Variants in GALNT2 observed in about 807,000 individuals in gnomAD.
GALNT2 encodes polypeptide N-acetylgalactosaminyltransferase 2, also known as UDP-GalNAc:polypeptide N-acetylgalactosaminyltransferase 2.
Under a neutral mutation model 81.4 loss-of-function variants are expected in GALNT2, and 31 were observed. The observed-to-expected ratio is 0.38, with a 90% confidence interval of 0.29 to 0.51. GALNT2 has a LOEUF of 0.51. Ranked by LOEUF, GALNT2 falls within the 20% of genes least tolerant of loss-of-function variation. The pLI is 0.87. For synonymous variants in GALNT2, 303 were observed against 287.4 expected (o/e 1.05, Z -0.55); for missense variants, 629 against 765.7 (o/e 0.82, Z 2.11).
chr1:230,173,381 G>A (rs1407503275), intron 1 of GALNT2, among the ~76,000 whole-genome samples: 1 of 152,094 alleles, frequency 6.6e-6, no homozygotes, highest in Admixed American at 6.5e-5. Flanking sequence ...TGCAGTATTT[G>A]GTCAGAGCTG....
chr1:230,128,823 T>C (rs1571995331), intron 1 of GALNT2, among the ~76,000 whole-genome samples: 1 of 152,184 alleles, frequency 6.6e-6, no homozygotes, highest in South Asian at 2.1e-4. Context: ...CATCTTCCTA[T>C]ATGTGGGGTG....
intron 1 of GALNT2, among the ~76,000 whole-genome samples, chr1:230,132,305 C>T (rs1225895942): frequency 1.3e-5 from 2 of 152,240 alleles, no homozygotes; most frequent in East Asian, 1.9e-4. Context: ...GACGTCCAGC[C>T]TGAGAACTGT....
intron 3 of GALNT2, among the ~76,000 whole-genome samples, chr1:230,208,328 A>T (rs1572088529): frequency 6.6e-6 from 1 of 152,076 alleles, no homozygotes; most frequent in African/African-American, 2.4e-5. Flanking sequence ...TATGGCTTGG[A>T]AGAGGGTGCC....
rs1268260848 is a variant in GALNT2 at position 230,067,287 on chromosome 1, C to T, written c.7C>T (p.Arg3Trp). ...CGGCGGCCGAGTTGGGAGAATGCGG[C>T]GGCGCTCGCGGATGCTGCTCTGCTT... The part of the protein sequence containing the change: MR[R>W]RSRMLLCFAF... The change falls in exon 1 of 16, where the codon CGG becomes TGG. Residue 3 changes from arginine (R) to tryptophan (W), a missense_variant. Transcript: ENST00000366672. The T allele has an allele frequency of 3.0e-6, 4 of 1,354,160 alleles. No individual in the cohort carries two copies. The highest frequency in any genetic ancestry group is 2.8e-5 in the Admixed American group (1 of 35,282). The allele number at this position is 1,354,160 out of a possible 1,614,324, so 83.9% of individuals were successfully genotyped here.
At position 230,233,626 on chromosome 1, in the gene GALNT2, A is replaced by T. The variant is rs548098391; in HGVS notation, c.375-2388A>T. Among the ~76,000 whole-genome samples, 337 of 152,258 alleles carry T rather than the reference A, an allele frequency of 2.2e-3. 3 individuals carry two copies. Among genetic ancestry groups the T allele is most frequent in the African/African-American group, 7.8e-3 (325 of 41,566 alleles). On this transcript the variant is annotated intron_variant, in intron 3 of 15. Coordinates refer to ENST00000366672, the MANE Select transcript of GALNT2 (RefSeq NM_004481.5). Reference sequence around the variant, plus strand: ...AAGACTCCGTCTCAAAAGAAAAAAAAACCTACAGAATAATTTTTTTTTAAT... The same window carrying T: ...AAGACTCCGTCTCAAAAGAAAAAAATACCTACAGAATAATTTTTTTTTAAT...
chr1:230,228,946 A>G (rs1664794103), intron 3 of GALNT2, among the ~76,000 whole-genome samples: 1 of 152,194 alleles, frequency 6.6e-6, no homozygotes, highest in African/African-American at 2.4e-5. Flanking sequence ...CATGATATAC[A>G]TGGATATACA....
At chr1:230,268,787 C>T (rs574531221) in intron 14 of GALNT2, among the ~76,000 whole-genome samples, 17 of 152,300 alleles carry the variant, frequency 1.1e-4, no homozygotes, top group South Asian at 6.2e-4. Flanking sequence ...GCCTGTGTCC[C>T]GCCTTCAGGG....
intron 1 of GALNT2, among the ~76,000 whole-genome samples, chr1:230,172,806 A>G (rs1353198630): frequency 3.3e-5 from 5 of 152,256 alleles, no homozygotes; most frequent in Non-Finnish European, 7.3e-5. Flanking sequence ...ATTAGTTTCC[A>G]TAACTATTTA....
intron 1 of GALNT2, among the ~76,000 whole-genome samples, chr1:230,093,157 C>T (rs1253739299): frequency 6.6e-6 from 1 of 152,146 alleles, no homozygotes; most frequent in East Asian, 1.9e-4. Flanking sequence ...ATCTTGGTAG[C>T]CAAAGCAAGA....
chr1:230,100,311 T>C (rs1463445173), intron 1 of GALNT2, among the ~76,000 whole-genome samples: 1 of 7,354 alleles, frequency 1.4e-4, no homozygotes, highest in Non-Finnish European at 2.2e-4. Context: ...TTTTTATTCC[T>C]TTTTTTTTTT....
At chr1:230,142,650 C>T (rs1424639711) in intron 1 of GALNT2, among the ~76,000 whole-genome samples, 1 of 152,120 alleles carries the variant, frequency 6.6e-6, no homozygotes, top group Non-Finnish European at 1.5e-5. Context: ...AAAAATACGC[C>T]TGTGCTTTGG....
chr1:230,072,551 T>C (rs1659407582), intron 1 of GALNT2, among the ~76,000 whole-genome samples: 1 of 152,188 alleles, frequency 6.6e-6, no homozygotes, highest in Non-Finnish European at 1.5e-5. Context: ...GCCAAGTCTA[T>C]GCTCCCTGTT....
intron 1 of GALNT2, among the ~76,000 whole-genome samples, chr1:230,172,216 T>C (rs1662815856): frequency 6.6e-6 from 1 of 152,172 alleles, no homozygotes; most frequent in Admixed American, 6.5e-5. Flanking sequence ...TGCTCTTGTA[T>C]GTGCCCTCTT....
intron 1 of GALNT2, among the ~76,000 whole-genome samples, chr1:230,159,767 C>T (rs1572032855): frequency 6.6e-6 from 1 of 152,236 alleles, no homozygotes; most frequent in Admixed American, 6.5e-5. Context: ...TGTCTACCTC[C>T]CCCCACCTGC....
intron 1 of GALNT2, among the ~76,000 whole-genome samples, chr1:230,083,885 G>C (rs1212916514): frequency 1.3e-5 from 2 of 152,136 alleles, no homozygotes; most frequent in African/African-American, 4.8e-5. Context: ...CCCACTGTCT[G>C]TGTCCTTGGA....
At chr1:230,196,606 C>T (rs1001051824) in intron 2 of GALNT2, among the ~76,000 whole-genome samples, 4 of 152,158 alleles carry the variant, frequency 2.6e-5, no homozygotes, top group Non-Finnish European at 5.9e-5. Flanking sequence ...GGGTGTGGGT[C>T]TTGACAGGAG....
At chr1:230,100,529 C>T (rs1177414708) in intron 1 of GALNT2, among the ~76,000 whole-genome samples, 2 of 152,038 alleles carry the variant, frequency 1.3e-5, no homozygotes, top group African/African-American at 4.8e-5. Context: ...TTTCACCATG[C>T]TAGTCAGGCT....
intron 1 of GALNT2, among the ~76,000 whole-genome samples, chr1:230,075,495 G>A (rs2102747220): frequency 6.6e-6 from 1 of 152,306 alleles, no homozygotes; most frequent in East Asian, 1.9e-4. Context: ...CTGTCCTGAA[G>A]GCCGCAATCC....
chr1:230,226,406 A>G (rs1403158826), intron 3 of GALNT2, among the ~76,000 whole-genome samples: 1 of 152,138 alleles, frequency 6.6e-6, no homozygotes, highest in Non-Finnish European at 1.5e-5. Context: ...ATGAATGGAG[A>G]AATGGGCTAG....
Sources: gnomAD v4.1 joint callset for allele counts (sites outside exome capture counted in the v4.1 genomes callset) on GRCh38, gnomAD v4.1.1 for gene constraint, MANE v1.5 for transcripts, NCBI Gene and HGNC (gene_info 2026-07-23, HGNC 2026-07-21) for gene names.